CNTN5: variants seen among roughly 807,000 people sequenced by gnomAD.
CNTN5 encodes the protein contactin 5.
Under a neutral mutation model 129.1 loss-of-function variants are expected in CNTN5, and 77 were observed. The ratio of observed to expected loss-of-function variants is 0.60; its 90% confidence interval spans 0.50 to 0.72. The LOEUF is 0.72. Ranked by LOEUF, CNTN5 falls within the 30% of genes least tolerant of loss-of-function variation. The pLI is 0.00. For synonymous variants in CNTN5, 509 were observed against 465.6 expected, an observed-to-expected ratio of 1.09 and a Z score of -1.20; for missense variants, 1,478 against 1,328.8, an observed-to-expected ratio of 1.11 and a Z score of -1.75.
At chr11:99,764,856 A>G (rs1486739984) in intron 3 of CNTN5, among the ~76,000 whole-genome samples, 1 of 152,130 alleles carries the variant, frequency 6.6e-6, no homozygotes, top group Admixed American at 6.6e-5. Context: ...TGGCTGTAGC[A>G]TCCTTATTTG....
chr11:99,045,305 C>G (rs1488482736), intron 1 of CNTN5, among the ~76,000 whole-genome samples: 2 of 152,190 alleles, frequency 1.3e-5, no homozygotes, highest in African/African-American at 4.8e-5. Context: ...TCAAACAGCA[C>G]ACAAATAATA....
chr11:99,130,808 A>G (rs1053509738), intron 1 of CNTN5, among the ~76,000 whole-genome samples: 2 of 152,140 alleles, frequency 1.3e-5, no homozygotes, highest in Non-Finnish European at 2.9e-5. Flanking sequence ...TTAAGAAACC[A>G]ACTCAAAACC....
At chr11:99,589,550 AAT>A (rs1190867240) in intron 3 of CNTN5, among the ~76,000 whole-genome samples, 1 of 152,234 alleles carries the variant, frequency 6.6e-6, no homozygotes, top group Non-Finnish European at 1.5e-5. Flanking sequence ...TGATCTTGGG[AAT>A]ATGTTTTCTA....
intron 3 of CNTN5, among the ~76,000 whole-genome samples, chr11:99,687,231 T>C (rs947220972): frequency 6.6e-6 from 1 of 152,162 alleles, no homozygotes; most frequent in Non-Finnish European, 1.5e-5. Flanking sequence ...ACCTGCCCAG[T>C]TGGCAAATTG....
chr11:99,287,943 A>C (rs539358190), intron 1 of CNTN5, among the ~76,000 whole-genome samples: 1 of 151,976 alleles, frequency 6.6e-6, no homozygotes, highest in African/African-American at 2.4e-5. Context: ...TGTTGTTCCA[A>C]TTGCGACAAT....
At chr11:99,520,347 T>C (rs1191922365) in intron 2 of CNTN5, among the ~76,000 whole-genome samples, 1 of 152,128 alleles carries the variant, frequency 6.6e-6, no homozygotes, top group Non-Finnish European at 1.5e-5. Context: ...TTCTCATTTT[T>C]ATTCTCTTTG....
intron 15 of CNTN5, among the ~76,000 whole-genome samples, chr11:100,194,053 G>A (rs1465317039): frequency 1.3e-5 from 2 of 151,866 alleles, no homozygotes; most frequent in Non-Finnish European, 2.9e-5. Context: ...AGTAATTTTT[G>A]GAGTTTCTTT....
intron 3 of CNTN5, among the ~76,000 whole-genome samples, chr11:99,693,018 T>C (rs1954105644): frequency 6.6e-6 from 1 of 152,100 alleles, no homozygotes; most frequent in African/African-American, 2.4e-5. Flanking sequence ...TTTAAATAGG[T>C]TAATCTAAAA....
chr11:100,144,200 T>C (rs1385460262), intron 13 of CNTN5, among the ~76,000 whole-genome samples: 3 of 152,174 alleles, frequency 2.0e-5, no homozygotes, highest in Non-Finnish European at 4.4e-5. Flanking sequence ...ATGAGTTTCA[T>C]GGTTAAACAA....
At chr11:100,047,529 T>C (rs1355499367) in intron 9 of CNTN5, among the ~76,000 whole-genome samples, 1 of 152,120 alleles carries the variant, frequency 6.6e-6, no homozygotes, top group Non-Finnish European at 1.5e-5. Flanking sequence ...AAAAAGAATA[T>C]ATGGACTATA....
chr11:100,214,792 T>C (rs537678558), intron 15 of CNTN5, among the ~76,000 whole-genome samples: 2 of 152,346 alleles, frequency 1.3e-5, no homozygotes, highest in Admixed American at 1.3e-4. Context: ...TATTCTCTGC[T>C]GTACAAGTAC....
intron 1 of CNTN5, among the ~76,000 whole-genome samples, chr11:99,167,415 GT>G (rs1304267126): frequency 3.7e-4 from 56 of 152,098 alleles, no homozygotes; most frequent in African/African-American, 1.3e-3. Context: ...ATTATTATCA[GT>G]GGCTAATTTG....
intron 15 of CNTN5, among the ~76,000 whole-genome samples, chr11:100,195,887 T>C (rs1948625768): frequency 6.6e-6 from 1 of 151,882 alleles, no homozygotes; most frequent in Non-Finnish European, 1.5e-5. Context: ...TCATGTAAAT[T>C]ATGTCTGGAA....
intron 16 of CNTN5, among the ~76,000 whole-genome samples, chr11:100,231,924 TG>T (rs1949499125): frequency 6.6e-6 from 1 of 152,056 alleles, no homozygotes; most frequent in Non-Finnish European, 1.5e-5. Flanking sequence ...GAAGGCAAGG[TG>T]GGCAGATCAC....
At chr11:100,188,281 A>G (rs1404499595) in intron 13 of CNTN5, among the ~76,000 whole-genome samples, 1 of 152,012 alleles carries the variant, frequency 6.6e-6, no homozygotes, top group Non-Finnish European at 1.5e-5. Flanking sequence ...ATATCTCTAC[A>G]AAACATACAA....
chr11:99,715,017 G>T (rs1416459700), intron 3 of CNTN5, among the ~76,000 whole-genome samples: 3 of 151,868 alleles, frequency 2.0e-5, no homozygotes, highest in Non-Finnish European at 4.4e-5. Context: ...TTTCTCATTG[G>T]TAAACTAGAG....
intron 6 of CNTN5, among the ~76,000 whole-genome samples, chr11:99,909,096 A>C (rs1244035608): frequency 6.6e-6 from 1 of 152,056 alleles, no homozygotes; most frequent in African/African-American, 2.4e-5. Context: ...AATGGATGTT[A>C]GTATATTTTT....
intron 1 of CNTN5, among the ~76,000 whole-genome samples, chr11:99,229,610 C>T (rs537176768): frequency 6.6e-6 from 1 of 150,674 alleles, no homozygotes; most frequent in East Asian, 1.9e-4. Context: ...GGAAAGAAGC[C>T]GTAATTGTTA....
chr11:99,929,846 C>T (rs1295870499), intron 7 of CNTN5, among the ~76,000 whole-genome samples: 1 of 152,096 alleles, frequency 6.6e-6, no homozygotes, highest in Non-Finnish European at 1.5e-5. Flanking sequence ...GTCCTTGGTC[C>T]TCGATTCTTG....
Sources: allele counts gnomAD v4.1 joint callset (sites outside exome capture counted in the v4.1 genomes callset), GRCh38; gene constraint gnomAD v4.1.1; transcripts MANE v1.5; gene names NCBI Gene and HGNC (gene_info 2026-07-23, HGNC 2026-07-21).